The following ZNF717 variants were observed in gnomAD, a reference collection of about 807,000 sequenced individuals.
ZNF717 encodes the protein krueppel-like factor X17.
Under a neutral mutation model 13.8 loss-of-function variants are expected in ZNF717, and 9 were observed. The observed-to-expected ratio is 0.65, with a 90% CI of 0.39 to 1.14. The LOEUF is 1.14. Among genes scored for constraint, ZNF717 ranks in the 50% most tolerant of loss-of-function variants. The pLI is 0.01. For missense variants in ZNF717, 1,040 were observed against 1,080.7 expected, an observed-to-expected ratio of 0.96 and a Z score of 0.53; for synonymous variants, 327 against 364.1, an observed-to-expected ratio of 0.90 and a Z score of 1.16.
chr3:75,733,260 A>G (rs77809200), downstream of ZNF717, among the ~76,000 whole-genome samples: 1 of 65,778 alleles, frequency 1.5e-5, no homozygotes, highest in Non-Finnish European at 4.5e-5. Flanking sequence ...ACTAGAAGGA[A>G]AAAGAGAGAA....
chr3:75,748,231 C>T (rs1400907964), intron 2 of ZNF717, among the ~76,000 whole-genome samples: 130 of 152,188 alleles, frequency 8.5e-4, no homozygotes, highest in African/African-American at 2.6e-3. Flanking sequence ...CAGAACCAGA[C>T]GGAATCACAG....
At chr3:75,703,670 A>C (rs1937741151) in intron 6 of ZNF717, among the ~76,000 whole-genome samples, 1 of 152,292 alleles carries the variant, frequency 6.6e-6, no homozygotes, top group Non-Finnish European at 1.5e-5. Context: ...ATCTTTGAGG[A>C]CTAATTTTAC....
At chr3:75,783,435 AACACTCTAG>A in intron 1 of ZNF717, 71 bp from the exon 2 acceptor site, 6 of 1,245,026 alleles carry the variant, frequency 4.8e-6, no homozygotes. Context: ...TCTTCTGCCC[AACACTCTAG>A]ACACATTACC....
At chr3:75,725,118 T>TC (rs142942015), downstream of ZNF717, among the ~76,000 whole-genome samples, 1,207 of 44,090 alleles carry the variant, frequency 0.027, no homozygotes, top group African/African-American at 0.055. Flanking sequence ...CCATTTTCCA[T>TC]GTTTCCATCA....
At chr3:75,780,331 T>C (rs1347108942) in intron 2 of ZNF717, among the ~76,000 whole-genome samples, 1 of 152,178 alleles carries the variant, frequency 6.6e-6, no homozygotes, top group Non-Finnish European at 1.5e-5. Flanking sequence ...CCTAAAACAA[T>C]GGTAACTAAC....
In ZNF717 at chr3:75,738,273, C is replaced by T. The variant is rs62250109; in HGVS notation, c.1350G>A (p.Pro450=). ...GTTTTCCACACTCATTACATTCATA[C>T]GGTTTTTCCCCTGTGTGTGTTCTCT... is the stretch of plus-strand genomic sequence containing the variant. ...VHQRTHTGEK[P]YECNECGKPF... Residue 450 remains proline, a synonymous_variant, in exon 5 of 5, where the codon CCG becomes CCA. Transcript: ENST00000652011. 569 of 1,468,708 alleles carry T rather than the reference C, an allele frequency of 3.9e-4. No homozygotes were observed. In the African/African-American group the frequency reaches 4.7e-3, roughly 12 times the overall value. 91.0% of individuals were successfully genotyped at this position (1,468,708 alleles called of 1,614,324 possible).
At chr3:75,750,388 TAC>T (rs1941647052) in intron 2 of ZNF717, among the ~76,000 whole-genome samples, 2 of 149,424 alleles carry the variant, frequency 1.3e-5, no homozygotes, top group Non-Finnish European at 3.0e-5. Context: ...AGAACTATGT[TAC>T]GAGAGTCTGA....
intron 2 of ZNF717, among the ~76,000 whole-genome samples, chr3:75,775,489 A>G (rs1381369732): frequency 6.6e-6 from 1 of 152,250 alleles, no homozygotes; most frequent in Non-Finnish European, 1.5e-5. Context: ...CAGGTTTCTA[A>G]TAACTTGAAT....
Position 75,738,836 on chromosome 3 carries a change from T to A in ZNF717, c.787A>T (p.Thr263Ser), listed in dbSNP as rs1467635219. Residue 263 changes from threonine to serine, a missense_variant, in exon 5 of 5, where the codon ACT becomes TCT. Around this residue, in one of 3 missense-constraint regions of ZNF717, gnomAD observed 873 missense variants for 832.8 expected, o/e 1.05. Transcript: ENST00000652011. ...GTGAAGTCAGACTTTCTACAGCAAGTTGGCTGTCCTACCTGAGTTATCACT... is the reference window on the plus strand; with the variant it reads ...GTGAAGTCAGACTTTCTACAGCAAGATGGCTGTCCTACCTGAGTTATCACT... ...VQVITQVGQP[T>S]CCRKSDFTKH... 4.5e-6 allele frequency: 7 copies of A among 1,551,566 alleles called. No individual in the cohort carries two copies. Among genetic ancestry groups the A allele is most frequent in the African/African-American group, 2.7e-5 (2 of 73,078 alleles).
downstream of ZNF717, among the ~76,000 whole-genome samples, chr3:75,735,101 A>T (rs1281799643): frequency 9.9e-5 from 15 of 152,218 alleles, no homozygotes; most frequent in African/African-American, 3.6e-4. Context: ...TTGGGATTAC[A>T]GGCTTGAGCC....
intron 2 of ZNF717, among the ~76,000 whole-genome samples, chr3:75,770,521 C>A (rs1382034063): frequency 6.6e-6 from 1 of 152,106 alleles, no homozygotes; most frequent in African/African-American, 2.4e-5. Context: ...GATTGCACCA[C>A]TGCACTCCAG....
chr3:75,733,138 G>T (rs796363780), downstream of ZNF717, among the ~76,000 whole-genome samples: 1 of 151,684 alleles, frequency 6.6e-6, no homozygotes, highest in African/African-American at 2.4e-5. Context: ...AAAGGAAAGA[G>T]TCTCTGAGTT....
intron 2 of ZNF717, among the ~76,000 whole-genome samples, chr3:75,782,655 C>T (rs536335101): frequency 6.7e-6 from 1 of 149,100 alleles, no homozygotes; most frequent in African/African-American, 2.4e-5. Flanking sequence ...TTCCACTGCA[C>T]AACACACTGT....
chr3:75,747,192 G>A (rs549672188), intron 2 of ZNF717, among the ~76,000 whole-genome samples: 272 of 152,144 alleles, frequency 1.8e-3, no homozygotes, highest in African/African-American at 5.9e-3. Context: ...TTATTTCTGA[G>A]GGCTCTGTTC....
chr3:75,741,596 C>A lies in ZNF717; in HGVS notation c.184+14G>T, dbSNP rs73843031. The A allele has an allele frequency of 8.2e-5, 116 of 1,411,896 alleles. No homozygotes were observed. The highest frequency in any genetic ancestry group is 2.8e-5 in the Non-Finnish European group (29 of 1,019,096). 87.5% of individuals were successfully genotyped at this position (1,411,896 alleles called of 1,614,324 possible). A position where few individuals can be genotyped will look rare whatever the true frequency, so the allele number is the denominator to read the frequency against. On this transcript the variant is annotated intron_variant, in intron 3 of 4. Transcript: ENST00000652011. ...AAAATACAATCCTGGGAGTTACTGG[C>A]AAGTTTCACTCACCCAATGATACCA...
At chr3:75,724,229 G>A (rs1259088131) in intron 4 of ZNF717, among the ~76,000 whole-genome samples, 11 of 151,736 alleles carry the variant, frequency 7.2e-5, no homozygotes, top group Non-Finnish European at 1.3e-4. Context: ...GGCATTCTGG[G>A]CCACTACTAG....
chr3:75,741,178 A>C (rs1575782007), intron 4 of ZNF717, 98 bp downstream of exon 4: 1 of 746,536 alleles, frequency 1.3e-6, no homozygotes. Flanking sequence ...CTTCAGGTCG[A>C]AGACCTAGGG....
At chr3:75,746,874 C>G (rs1305461552) in intron 2 of ZNF717, among the ~76,000 whole-genome samples, 1 of 152,152 alleles carries the variant, frequency 6.6e-6, no homozygotes, top group Non-Finnish European at 1.5e-5. Flanking sequence ...TTAATTAGAT[C>G]CTATTTGTCA....
At chr3:75,781,134 T>C (rs1944785420) in intron 2 of ZNF717, among the ~76,000 whole-genome samples, 2 of 152,276 alleles carry the variant, frequency 1.3e-5, no homozygotes, top group Admixed American at 6.5e-5. Context: ...TGAGTCCTTG[T>C]GGATGAACTG....
Sources: allele counts gnomAD v4.1 joint callset (sites outside exome capture counted in the v4.1 genomes callset), GRCh38; gene constraint gnomAD v4.1.1; regional missense constraint gnomAD v4.1.1; transcripts MANE v1.5; gene names NCBI Gene and HGNC (gene_info 2026-07-23, HGNC 2026-07-21).